PDE8A: variants seen among roughly 807,000 people sequenced by gnomAD.
PDE8A encodes the protein high affinity cAMP-specific and IBMX-insensitive 3',5'-cyclic phosphodiesterase 8A.
In PDE8A, 59 loss-of-function variants were observed where a neutral mutation model predicts 105.0. The observed-to-expected ratio is 0.56, with a 90% confidence interval of 0.46 to 0.70. The LOEUF is 0.70. Ranked by LOEUF, PDE8A falls within the 30% of genes least tolerant of loss-of-function variation. The probability of loss-of-function intolerance (pLI) is 0.00; values close to 1 mark genes in which losing one functional copy is unlikely to be tolerated. For synonymous variants in PDE8A, 355 were observed against 371.9 expected, an observed-to-expected ratio of 0.95 and a Z score of 0.52; for missense variants, 1,014 against 1,045.9, an observed-to-expected ratio of 0.97 and a Z score of 0.42.
At chr15:85,049,258 A>G (rs893529466) in intron 1 of PDE8A, among the ~76,000 whole-genome samples, 3 of 152,220 alleles carry the variant, frequency 2.0e-5, no homozygotes, top group Non-Finnish European at 4.4e-5. Context: ...ATACATTCAT[A>G]ATGTTGTGCA....
intron 20 of PDE8A, among the ~76,000 whole-genome samples, chr15:85,134,014 A>G (rs1456990353): frequency 1.3e-5 from 2 of 152,202 alleles, no homozygotes; most frequent in Non-Finnish European, 2.9e-5. Context: ...GGTCACAGAA[A>G]GGAAGCATCT....
intron 1 of PDE8A, among the ~76,000 whole-genome samples, chr15:85,060,580 A>G (rs925486782): frequency 1.3e-5 from 2 of 152,256 alleles, no homozygotes; most frequent in African/African-American, 2.4e-5. Context: ...TTGAGCATCC[A>G]TAGATTTTCA....
intron 1 of PDE8A, among the ~76,000 whole-genome samples, chr15:84,999,026 C>G (rs2080023184): frequency 6.6e-6 from 1 of 151,916 alleles, no homozygotes; most frequent in Admixed American, 6.6e-5. Context: ...GTTTTCTAGT[C>G]TGACTTCTTG....
intron 5 of PDE8A, among the ~76,000 whole-genome samples, chr15:85,080,182 A>G (rs1027761837): frequency 6.6e-6 from 1 of 152,240 alleles, no homozygotes; most frequent in African/African-American, 2.4e-5. Flanking sequence ...TATAAAAAGC[A>G]CACATTAGGT....
chr15:85,089,550 T>G (rs780962965), intron 7 of PDE8A, 134 bp downstream of exon 7: 79 of 547,260 alleles, frequency 1.4e-4, no homozygotes, highest in Non-Finnish European at 2.3e-4. Flanking sequence ...TCGAGGATTA[T>G]CAGAACAAAA....
chr15:85,054,453 C>CT (rs1301970823), intron 1 of PDE8A, among the ~76,000 whole-genome samples: 1 of 152,066 alleles, frequency 6.6e-6, no homozygotes, highest in Non-Finnish European at 1.5e-5. Flanking sequence ...AGGTACGGGA[C>CT]TTTTTTTGGT....
At chr15:85,053,802 C>T (rs1048627108) in intron 1 of PDE8A, among the ~76,000 whole-genome samples, 5 of 151,624 alleles carry the variant, frequency 3.3e-5, no homozygotes, top group Non-Finnish European at 5.9e-5. Flanking sequence ...AATTGAATAC[C>T]CTCTATTTCT....
In PDE8A at chr15:85,007,353, C is replaced by G. The variant is rs956193414; in HGVS notation, c.186+25005C>G. Among the ~76,000 whole-genome samples the G allele has an allele frequency of 7.3e-4, 110 of 150,828 alleles. 1 individual carries two copies. Among genetic ancestry groups the G allele is most frequent in the African/African-American group, 6.1e-4 (25 of 41,060 alleles). ...CCAGCCACAGTAGCACAAAAGCAGG[C>G]AAAACAGATCTGTGCTGTTAGAATT... On this transcript the variant is annotated intron_variant, in intron 1 of 21. Transcript: ENST00000394553.
At chr15:85,081,786 C>G (rs560983239) in intron 5 of PDE8A, among the ~76,000 whole-genome samples, 1 of 152,222 alleles carries the variant, frequency 6.6e-6, no homozygotes, top group African/African-American at 2.4e-5. Flanking sequence ...CAAACAGGAG[C>G]AAGATGCTGT....
At chr15:85,035,145 A>G (rs890837643) in intron 1 of PDE8A, among the ~76,000 whole-genome samples, 5 of 132,078 alleles carry the variant, frequency 3.8e-5, no homozygotes, top group Non-Finnish European at 8.0e-5. Context: ...AAAACCTGGT[A>G]TTTCAGAAGC....
At chr15:85,092,970 G>A (rs1460558346) in intron 8 of PDE8A, among the ~76,000 whole-genome samples, 3 of 150,644 alleles carry the variant, frequency 2.0e-5, no homozygotes, top group Non-Finnish European at 2.9e-5. Context: ...CACCCAAGCC[G>A]GAATGCAGAG....
At chr15:85,069,576 C>A (rs1339372067) in intron 3 of PDE8A, among the ~76,000 whole-genome samples, 3 of 152,082 alleles carry the variant, frequency 2.0e-5, no homozygotes, top group African/African-American at 7.2e-5. Flanking sequence ...TTTCATATTC[C>A]CACCACATCA....
At chr15:85,074,153 C>T (rs1418630535) in intron 3 of PDE8A, among the ~76,000 whole-genome samples, 2 of 152,208 alleles carry the variant, frequency 1.3e-5, no homozygotes, top group African/African-American at 4.8e-5. Flanking sequence ...AACTTCCCTA[C>T]CCCTGGCCTA....
intron 1 of PDE8A, among the ~76,000 whole-genome samples, chr15:84,993,720 A>T: frequency 6.7e-6 from 1 of 149,408 alleles, no homozygotes; most frequent in Non-Finnish European, 1.5e-5. Flanking sequence ...ATTCTCTATA[A>T]AAAAAAATAA....
At chr15:85,109,233 TGG>T in intron 12 of PDE8A, 103 bp downstream of exon 12, 1 of 691,910 alleles carries the variant, frequency 1.4e-6, no homozygotes, top group South Asian at 2.3e-5. Context: ...CTCCAATTCT[TGG>T]GAGAGGAGGG....
chr15:84,999,639 A>G (rs1168357164), intron 1 of PDE8A, among the ~76,000 whole-genome samples: 3 of 151,698 alleles, frequency 2.0e-5, no homozygotes, highest in Non-Finnish European at 4.4e-5. Flanking sequence ...CAGTGGTGCA[A>G]TCTTGGCTCA....
At chr15:85,050,905 T>C (rs1010297250) in intron 1 of PDE8A, among the ~76,000 whole-genome samples, 52 of 152,212 alleles carry the variant, frequency 3.4e-4, no homozygotes, top group Admixed American at 6.5e-5. Context: ...CTGAGTAGTA[T>C]TGACATCTTA....
intron 1 of PDE8A, among the ~76,000 whole-genome samples, chr15:85,042,949 T>C (rs1289003408): frequency 6.6e-6 from 1 of 152,222 alleles, no homozygotes; most frequent in Non-Finnish European, 1.5e-5. Flanking sequence ...TTCGATTGTG[T>C]GGATTGTCAT....
intron 7 of PDE8A, 164 bp from the exon 8 acceptor site, chr15:85,090,880 C>T (rs987599433): frequency 2.3e-4 from 157 of 685,158 alleles, no homozygotes; most frequent in Non-Finnish European, 6.4e-5. Context: ...CAGAATTCTT[C>T]GTGGGTTATG....
Sources: allele counts gnomAD v4.1 joint callset (sites outside exome capture counted in the v4.1 genomes callset), GRCh38; gene constraint gnomAD v4.1.1; transcripts MANE v1.5; gene names NCBI Gene and HGNC (gene_info 2026-07-23, HGNC 2026-07-21).